Variants in STX18 observed in about 807,000 individuals in gnomAD.
STX18 encodes syntaxin-18.
STX18 carries 40 observed loss-of-function variants against 50.1 expected under a neutral mutation model. The ratio of observed to expected loss-of-function variants is 0.80; its 90% CI spans 0.62 to 1.04. The LOEUF (loss-of-function observed/expected upper bound fraction) is 1.04. STX18 is among the 50% of genes least tolerant of loss of function. The pLI is 0.00. For missense variants in STX18, 410 were observed against 415.8 expected (o/e 0.99, Z 0.12); for synonymous variants, 158 against 151.8 (o/e 1.04, Z -0.30).
intron 1 of STX18, among the ~76,000 whole-genome samples, chr4:4,497,932 T>A (rs530178962): frequency 1.3e-5 from 2 of 152,208 alleles, no homozygotes. Context: ...GGAGGTAATA[T>A]GCCTCTGTCC....
intron 6 of STX18, among the ~76,000 whole-genome samples, 184 bp from the exon 7 acceptor site, chr4:4,435,042 A>C (rs182458568): frequency 6.6e-6 from 1 of 152,300 alleles, no homozygotes; most frequent in East Asian, 1.9e-4. Context: ...TTTAGGCTTT[A>C]AATTGTCTTT....
At chr4:4,512,462 T>C (rs1046370292) in intron 1 of STX18, among the ~76,000 whole-genome samples, 1 of 152,136 alleles carries the variant, frequency 6.6e-6, no homozygotes, top group Non-Finnish European at 1.5e-5. Context: ...AACCACTTGA[T>C]TGAAGCCAGA....
chr4:4,493,857 G>A (rs897178650), intron 1 of STX18, among the ~76,000 whole-genome samples: 3 of 152,192 alleles, frequency 2.0e-5, no homozygotes, highest in Admixed American at 6.5e-5. Context: ...ATACATGCAA[G>A]AAATTATGAA....
intron 9 of STX18, 140 bp from the exon 10 acceptor site, chr4:4,421,084 T>C: frequency 1.3e-6 from 1 of 785,200 alleles, no homozygotes; most frequent in South Asian, 1.6e-5. Context: ...GGACTTCACA[T>C]TTTGAAGTTT....
rs192500955 is a variant in STX18 at position 4,472,130 on chromosome 4, A to G, written c.169-424T>C. Among the ~76,000 whole-genome samples the G allele has an allele frequency of 9.8e-3, 1,492 of 152,348 alleles. 16 individuals carry two copies. Among genetic ancestry groups the G allele is most frequent in the Non-Finnish European group, 0.015 (996 of 68,026 alleles). ...TTGCGTTTGTAAATAGGGCCCATGCAGAGCAGCAGAGTTAAAGCAAAGATT... is the reference window on the plus strand; with the variant it reads ...TTGCGTTTGTAAATAGGGCCCATGCGGAGCAGCAGAGTTAAAGCAAAGATT... On this transcript the variant is annotated intron_variant, in intron 1 of 10. Coordinates refer to ENST00000306200, the MANE Select transcript of STX18 (RefSeq NM_016930.4).
At chr4:4,477,228 C>A (rs982287719) in intron 1 of STX18, among the ~76,000 whole-genome samples, 4 of 151,978 alleles carry the variant, frequency 2.6e-5, no homozygotes, top group African/African-American at 9.7e-5. Context: ...GGTGACAGAG[C>A]GAGACTCGGT....
At chr4:4,538,206 A>G (rs28488023) in intron 1 of STX18, among the ~76,000 whole-genome samples, 6,514 of 152,224 alleles carry the variant, frequency 0.043, 431 homozygotes, top group African/African-American at 0.15. Flanking sequence ...GTCAAGCCTA[A>G]TAACAGGTAA....
chr4:4,441,731 A>G (rs1397393055), intron 5 of STX18, among the ~76,000 whole-genome samples: 2 of 152,224 alleles, frequency 1.3e-5, no homozygotes, highest in Non-Finnish European at 2.9e-5. Flanking sequence ...ACCAGGTCCC[A>G]TCCTGAAGCC....
intron 1 of STX18, among the ~76,000 whole-genome samples, chr4:4,483,613 C>G (rs1340816180): frequency 1.3e-5 from 2 of 152,186 alleles, no homozygotes; most frequent in African/African-American, 4.8e-5. Context: ...TTGCCTAGAA[C>G]AGGCTAGATG....
chr4:4,539,575 C>T (rs148208601), intron 1 of STX18, among the ~76,000 whole-genome samples: 1 of 152,350 alleles, frequency 6.6e-6, no homozygotes, highest in Non-Finnish European at 1.5e-5. Context: ...TGTCCCTGAA[C>T]AACACAGCCC....
intron 1 of STX18, among the ~76,000 whole-genome samples, chr4:4,535,998 T>C (rs1007081141): frequency 6.6e-6 from 1 of 152,222 alleles, no homozygotes; most frequent in African/African-American, 2.4e-5. Context: ...GGGGAATCAA[T>C]GCTAAAAAAG....
At chr4:4,530,033 T>C (rs944306047) in intron 1 of STX18, among the ~76,000 whole-genome samples, 3 of 152,216 alleles carry the variant, frequency 2.0e-5, no homozygotes, top group African/African-American at 7.2e-5. Flanking sequence ...ACTGCACATT[T>C]AATATAGAAT....
chr4:4,522,418 A>G (rs1730549816), intron 1 of STX18, among the ~76,000 whole-genome samples: 1 of 152,246 alleles, frequency 6.6e-6, no homozygotes, highest in Non-Finnish European at 1.5e-5. Context: ...TATTGTGGGC[A>G]CACAGATCTA....
At chr4:4,463,880 A>G (rs1216883441) in intron 2 of STX18, among the ~76,000 whole-genome samples, 1 of 152,230 alleles carries the variant, frequency 6.6e-6, no homozygotes, top group Non-Finnish European at 1.5e-5. Context: ...ATGCAAATGA[A>G]GTGCATTTAA....
chr4:4,498,857 CT>C (rs769037523), intron 1 of STX18, among the ~76,000 whole-genome samples: 1 of 152,116 alleles, frequency 6.6e-6, no homozygotes, highest in Non-Finnish European at 1.5e-5. Flanking sequence ...TACAGAATTT[CT>C]TTCTCTGAAG....
At chr4:4,450,719 C>T (rs1182302980) in intron 5 of STX18, among the ~76,000 whole-genome samples, 1 of 152,190 alleles carries the variant, frequency 6.6e-6, no homozygotes, top group Admixed American at 6.5e-5. Flanking sequence ...GCTATGACTG[C>T]CCATGCTAAG....
intron 1 of STX18, among the ~76,000 whole-genome samples, chr4:4,474,398 C>A (rs1038661123): frequency 2.0e-5 from 3 of 152,192 alleles, no homozygotes; most frequent in African/African-American, 7.2e-5. Context: ...ATAGTGGGTA[C>A]TGAATAATCC....
In STX18 at chr4:4,514,916, A is replaced by G. The variant is rs755012103; in HGVS notation, c.168+26881T>C. Among the ~76,000 whole-genome samples, 16 of 152,334 alleles carry G rather than the reference A, an allele frequency of 1.1e-4. No homozygotes were observed. In the Middle Eastern group the frequency reaches 0.01, roughly 97 times the overall value. On this transcript the variant is annotated intron_variant, in intron 1 of 10. Coordinates refer to ENST00000306200, the MANE Select transcript of STX18 (RefSeq NM_016930.4). ...CTATGAAGATCCTAAGAAGCATACA[A>G]TGGAGGCTAATTATAACAATAGTTC...
At chr4:4,421,490 C>T (rs916099113) in intron 9 of STX18, among the ~76,000 whole-genome samples, 2 of 152,140 alleles carry the variant, frequency 1.3e-5, no homozygotes, top group African/African-American at 2.4e-5. Context: ...CTTGAGCTCA[C>T]ACCATGCTCC....
Sources: allele counts gnomAD v4.1 joint callset (sites outside exome capture counted in the v4.1 genomes callset), GRCh38; gene constraint gnomAD v4.1.1; transcripts MANE v1.5; gene names NCBI Gene and HGNC (gene_info 2026-07-23, HGNC 2026-07-21).